DACH1: variants seen among roughly 807,000 people sequenced by gnomAD.
DACH1 encodes the protein dachshund family transcription factor 1.
DACH1 carries 12 observed loss-of-function variants against 54.2 expected under a neutral mutation model. That is an observed-to-expected ratio of 0.22 (90% CI 0.14 to 0.36). The LOEUF (loss-of-function observed/expected upper bound fraction) is 0.36. Among genes scored for constraint, DACH1 ranks in the 10% least tolerant of loss-of-function variants. DACH1 has a pLI of 1.00. For missense variants in DACH1, 805 were observed against 929.8 expected (o/e 0.87, Z 1.75); for synonymous variants, 386 against 366.2 (o/e 1.05, Z -0.62).
At chr13:71,567,230 CTG>C (rs1325821924) in intron 4 of DACH1, among the ~76,000 whole-genome samples, 1 of 151,678 alleles carries the variant, frequency 6.6e-6, no homozygotes, top group African/African-American at 2.4e-5. Context: ...TTTCAGAAAA[CTG>C]TAATGTGTCA....
In DACH1 at chr13:71,866,980, C is replaced by G; in HGVS notation, c.-211G>C. 3.0e-6 allele frequency: 1 copy of G among 334,384 alleles called. No homozygotes were observed. The highest frequency in any genetic ancestry group is 5.2e-5 in the Admixed American group (1 of 19,218). 20.7% of individuals were successfully genotyped at this position (334,384 alleles called of 1,614,324 possible). ...GCAAGAGGGGCGAGCACGAGAGGCG[C>G]TCTGGAGAGGAACGCACAAAAGTGT... is the stretch of plus-strand genomic sequence containing the variant. On this transcript the variant is annotated 5_prime_UTR_variant, in exon 1 of 11. Coordinates refer to ENST00000613252, the MANE Select transcript of DACH1 (RefSeq NM_080759.6).
At chr13:71,591,827 C>T (rs923885461) in intron 3 of DACH1, among the ~76,000 whole-genome samples, 1 of 151,504 alleles carries the variant, frequency 6.6e-6, no homozygotes, top group Non-Finnish European at 1.5e-5. Flanking sequence ...AAATACTGCC[C>T]TAGTATGACT....
rs1593667155 is a variant in DACH1 at position 71,866,009 on chromosome 13, A to C, written c.761T>G (p.Leu254Arg). ...GTTCACTCCTGGCTGGATGGCGCCC[A>C]GTCCCCTCAGGATGCGAACTTGTTC... is the stretch of plus-strand genomic sequence containing the variant. ...NVEQVRILRG[L>R]GAIQPGVNRC... Residue 254 changes from leucine to arginine, a missense_variant, in exon 1 of 11, where the codon CTG becomes CGG. By Grantham distance (102) the Leu-to-Arg change is moderately radical (BLOSUM62 -2). Coordinates refer to ENST00000613252, the MANE Select transcript of DACH1 (RefSeq NM_080759.6). 1 of 1,613,910 alleles carries C rather than the reference A, an allele frequency of 6.2e-7. No individual in the cohort carries two copies. Among genetic ancestry groups the C allele is most frequent in the Non-Finnish European group, 8.5e-7 (1 of 1,179,986 alleles).
chr13:71,630,539 G>A lies in DACH1; in HGVS notation c.1126+17C>T. 2 of 1,566,816 alleles carry A rather than the reference G, an allele frequency of 1.3e-6. No individual in the cohort carries two copies. The highest frequency in any genetic ancestry group is 1.7e-6 in the Non-Finnish European group (2 of 1,161,364). ...AGCAAAGTGATCACAATAAGTTTCAGCGAACATAAAACTTACCGACACTTG... is the reference window on the plus strand; with the variant it reads ...AGCAAAGTGATCACAATAAGTTTCAACGAACATAAAACTTACCGACACTTG... On this transcript the variant is annotated intron_variant, in intron 3 of 10. Transcript: ENST00000613252.
intron 2 of DACH1, among the ~76,000 whole-genome samples, chr13:71,670,747 C>A (rs758839625): frequency 6.6e-6 from 1 of 151,956 alleles, no homozygotes; most frequent in Non-Finnish European, 1.5e-5. Context: ...AGCCTAATTA[C>A]AATAATACTT....
intron 1 of DACH1, among the ~76,000 whole-genome samples, chr13:71,787,642 G>A (rs1886656240): frequency 1.3e-5 from 2 of 152,148 alleles, no homozygotes; most frequent in Admixed American, 6.5e-5. Flanking sequence ...TTCATATCAA[G>A]CCAACAGCTG....
At chr13:71,768,213 C>G (rs532671663) in intron 1 of DACH1, among the ~76,000 whole-genome samples, 14 of 152,056 alleles carry the variant, frequency 9.2e-5, no homozygotes, top group Admixed American at 9.2e-4. Context: ...CATCGTCACT[C>G]TCCTTGAATA....
chr13:71,815,881 C>G (rs924735244), intron 1 of DACH1, among the ~76,000 whole-genome samples: 1 of 151,822 alleles, frequency 6.6e-6, no homozygotes. Context: ...GTCAGGAGAT[C>G]GAGACCATCC....
In DACH1 at chr13:71,564,515, G is replaced by A. The variant is rs377054564; in HGVS notation, c.1300-4560C>T. On this transcript the variant is annotated intron_variant, in intron 4 of 10. Coordinates refer to ENST00000613252, the MANE Select transcript of DACH1 (RefSeq NM_080759.6). ...TCATACTAATAAACTAATAGTAACC[G>A]GAGGACAAAAAAGGAAAAGCTGCAT... 1.9e-4 allele frequency among the ~76,000 whole-genome samples: 28 copies of A among 149,442 alleles called. No individual in the cohort carries two copies. In the South Asian group the frequency reaches 3.0e-3, roughly 16 times the overall value.
At chr13:71,587,100 A>C (rs946980907) in intron 3 of DACH1, among the ~76,000 whole-genome samples, 133 of 152,076 alleles carry the variant, frequency 8.7e-4, no homozygotes, top group African/African-American at 3.2e-3. Flanking sequence ...CAAAATGCAA[A>C]CTCCAAGTGT....
chr13:71,563,946 T>C (rs1401603221), intron 4 of DACH1, among the ~76,000 whole-genome samples: 1 of 151,938 alleles, frequency 6.6e-6, no homozygotes, highest in Non-Finnish European at 1.5e-5. Flanking sequence ...TTTTACTTAA[T>C]GTATAATTTC....
intron 2 of DACH1, among the ~76,000 whole-genome samples, chr13:71,650,023 T>C (rs1414358617): frequency 6.6e-6 from 1 of 152,178 alleles, no homozygotes; most frequent in Non-Finnish European, 1.5e-5. Context: ...TGACCTTTAT[T>C]AAAAGCTACC....
At chr13:71,680,074 C>A (rs1340940859) in intron 2 of DACH1, among the ~76,000 whole-genome samples, 1 of 151,780 alleles carries the variant, frequency 6.6e-6, no homozygotes, top group Non-Finnish European at 1.5e-5. Context: ...CATAAATGAG[C>A]AAGGATTAAC....
chr13:71,851,807 A>G (rs1409057886), intron 1 of DACH1, among the ~76,000 whole-genome samples: 1 of 152,210 alleles, frequency 6.6e-6, no homozygotes, highest in African/African-American at 2.4e-5. Flanking sequence ...TACTATATAA[A>G]GAATACAAAT....
At chr13:71,811,953 T>C (rs994859107) in intron 1 of DACH1, among the ~76,000 whole-genome samples, 22 of 152,206 alleles carry the variant, frequency 1.4e-4, no homozygotes, top group African/African-American at 4.3e-4. Context: ...TACCTATTTT[T>C]ATTCTCTAGT....
At chr13:71,625,528 T>C (rs1289465866) in intron 3 of DACH1, among the ~76,000 whole-genome samples, 3 of 151,952 alleles carry the variant, frequency 2.0e-5, no homozygotes, top group African/African-American at 2.4e-5. Context: ...ACTGCCTGGC[T>C]TTTTTTCCCT....
chr13:71,478,486 A>C (rs2138180742), intron 8 of DACH1, among the ~76,000 whole-genome samples: 1 of 152,338 alleles, frequency 6.6e-6, no homozygotes, highest in South Asian at 2.1e-4. Context: ...TTGATTGTAG[A>C]CAAAATAATC....
intron 1 of DACH1, among the ~76,000 whole-genome samples, chr13:71,836,166 T>C (rs1220094451): frequency 6.6e-6 from 1 of 151,848 alleles, no homozygotes; most frequent in African/African-American, 2.4e-5. Flanking sequence ...CCTTTCACCA[T>C]CTTGAGAAAA....
intron 1 of DACH1, among the ~76,000 whole-genome samples, chr13:71,832,958 A>T (rs1178219726): frequency 6.6e-6 from 1 of 151,944 alleles, no homozygotes; most frequent in Non-Finnish European, 1.5e-5. Context: ...AAACAATCTG[A>T]ATTCCACTCC....
Sources: gnomAD v4.1 joint callset for allele counts (sites outside exome capture counted in the v4.1 genomes callset) on GRCh38, gnomAD v4.1.1 for gene constraint, MANE v1.5 for transcripts, NCBI Gene and HGNC (gene_info 2026-07-23, HGNC 2026-07-21) for gene names.